The following LRRC7 variants were observed in gnomAD, a reference collection of about 807,000 sequenced individuals.
The protein encoded by LRRC7 is leucine-rich repeat-containing protein 7.
In LRRC7, 23 loss-of-function variants were observed where a neutral mutation model predicts 175.7. That is an observed-to-expected ratio of 0.13 (90% confidence interval 0.09 to 0.19). The LOEUF (loss-of-function observed/expected upper bound fraction) is 0.19, where lower values mean the gene tolerates loss of function less well. Ranked by LOEUF, LRRC7 falls within the 10% of genes least tolerant of loss-of-function variation. The pLI is 1.00. For missense variants in LRRC7, 1,354 were observed against 1,904.7 expected (o/e 0.71, Z 5.38); for synonymous variants, 685 against 680.9 (o/e 1.01, Z -0.09).
At chr1:69,913,975 C>A (rs1646610463) in intron 7 of LRRC7, among the ~76,000 whole-genome samples, 4 of 152,086 alleles carry the variant, frequency 2.6e-5, no homozygotes, top group Non-Finnish European at 5.9e-5. Flanking sequence ...ATTGACAGGT[C>A]TAAATCATAA....
intron 2 of LRRC7, among the ~76,000 whole-genome samples, chr1:69,694,101 C>G (rs574600654): frequency 6.6e-6 from 1 of 152,202 alleles, no homozygotes; most frequent in South Asian, 2.1e-4. Context: ...CAAACCCAAG[C>G]CTGGACTTGA....
chr1:69,745,631 T>G (rs1557675319), intron 2 of LRRC7, among the ~76,000 whole-genome samples: 1 of 151,886 alleles, frequency 6.6e-6, no homozygotes, highest in Non-Finnish European at 1.5e-5. Flanking sequence ...AAGGAATATT[T>G]AATGATATGA....
intron 9 of LRRC7, among the ~76,000 whole-genome samples, chr1:69,981,153 C>A (rs182872415): frequency 1.3e-5 from 2 of 152,116 alleles, no homozygotes; most frequent in African/African-American, 4.8e-5. Context: ...AGCGAGAGAG[C>A]GCAAACACAA....
At chr1:69,783,693 A>G (rs1674054480) in intron 3 of LRRC7, among the ~76,000 whole-genome samples, 2 of 143,708 alleles carry the variant, frequency 1.4e-5, no homozygotes, top group African/African-American at 2.5e-5. Context: ...AGGAGGTTGC[A>G]GTGAGCCGAG....
At chr1:70,049,198 A>C (rs1277873567) in intron 22 of LRRC7, among the ~76,000 whole-genome samples, 6 of 152,142 alleles carry the variant, frequency 3.9e-5, no homozygotes, top group Non-Finnish European at 8.8e-5. Context: ...TGGCCTCACT[A>C]TCTGTTTTAC....
chr1:69,771,597 A>G (rs1210721311), intron 3 of LRRC7, among the ~76,000 whole-genome samples: 1 of 152,188 alleles, frequency 6.6e-6, no homozygotes, highest in Non-Finnish European at 1.5e-5. Context: ...AAATGATACA[A>G]AAAACTCAAG....
chr1:70,082,606 T>G (rs1571272902), intron 24 of LRRC7, among the ~76,000 whole-genome samples: 1 of 151,998 alleles, frequency 6.6e-6, no homozygotes, highest in South Asian at 2.1e-4. Flanking sequence ...TCTTGTTGGT[T>G]TCCTTAAGTC....
chr1:69,999,906 A>T (rs924525273), intron 11 of LRRC7, among the ~76,000 whole-genome samples: 4 of 152,116 alleles, frequency 2.6e-5, no homozygotes, highest in Non-Finnish European at 4.4e-5. Context: ...TTCCTGTTCC[A>T]CTTCCAGACT....
rs557311750 is a variant in LRRC7, at chr1:69,681,591, A to G, written c.100+3113A>G. Among the ~76,000 whole-genome samples the G allele has an allele frequency of 2.6e-5, 4 of 152,278 alleles. No individual in the cohort carries two copies. The South Asian group carries it at 8.3e-4, about 32-fold the overall frequency. On this transcript the variant is annotated intron_variant, in intron 2 of 26. Coordinates refer to ENST00000651989, the MANE Select transcript of LRRC7 (RefSeq NM_001370785.2). ...TTTCAATAAAAATGGATTATTGTGG[A>G]AGACAGATTTTTAAACATGTTTAAG...
At chr1:69,642,452 A>G (rs80278980) in intron 1 of LRRC7, among the ~76,000 whole-genome samples, 9,601 of 152,152 alleles carry the variant, frequency 0.063, 361 homozygotes, top group Middle Eastern at 0.11. Flanking sequence ...ATTACCTTCA[A>G]GCAAAAGTAA....
chr1:69,729,286 C>T (rs1570540275), intron 2 of LRRC7, among the ~76,000 whole-genome samples: 1 of 152,138 alleles, frequency 6.6e-6, no homozygotes, highest in Non-Finnish European at 1.5e-5. Flanking sequence ...GTCTTTCCAG[C>T]AGTCCCCCAA....
chr1:70,028,085 A>T, intron 17 of LRRC7, 86 bp from the exon 18 acceptor site: 3 of 1,139,204 alleles, frequency 2.6e-6, no homozygotes, highest in Non-Finnish European at 3.9e-6. Context: ...GCATTTGATT[A>T]TACTACTGAA....
At chr1:69,912,997 T>C (rs1325154823) in intron 7 of LRRC7, among the ~76,000 whole-genome samples, 1 of 152,160 alleles carries the variant, frequency 6.6e-6, no homozygotes, top group Non-Finnish European at 1.5e-5. Flanking sequence ...GAGATAATCA[T>C]AGGAAAGAAA....
chr1:69,601,699 T>C (rs926974188), intron 1 of LRRC7, among the ~76,000 whole-genome samples: 2 of 152,158 alleles, frequency 1.3e-5, no homozygotes, highest in Non-Finnish European at 2.9e-5. Context: ...TATATAAAAC[T>C]TTTTCCAGGT....
chr1:69,996,516 G>T (rs1414061473), intron 11 of LRRC7, among the ~76,000 whole-genome samples: 2 of 151,112 alleles, frequency 1.3e-5, no homozygotes, highest in Non-Finnish European at 3.0e-5. Flanking sequence ...TTCTTCTAGG[G>T]TTTTTATGGT....
At chr1:70,056,554 T>C (rs1002805079) in intron 23 of LRRC7, among the ~76,000 whole-genome samples, 1 of 152,150 alleles carries the variant, frequency 6.6e-6, no homozygotes, top group African/African-American at 2.4e-5. Context: ...ATTATAAGAT[T>C]ACTACCAATG....
At chr1:70,026,741 T>C (rs889741536) in intron 17 of LRRC7, among the ~76,000 whole-genome samples, 1 of 152,114 alleles carries the variant, frequency 6.6e-6, no homozygotes, top group Non-Finnish European at 1.5e-5. Context: ...ATTATCTGGT[T>C]TTTCATTTGT....
chr1:69,874,227 G>A (rs1423861453), intron 7 of LRRC7: 2 of 152,034 alleles, frequency 1.3e-5, no homozygotes, highest in South Asian at 4.1e-4. Context: ...ATGGCTTATA[G>A]CATTTCAATT....
intron 1 of LRRC7, among the ~76,000 whole-genome samples, chr1:69,582,228 G>A (rs1448029124): frequency 2.0e-5 from 3 of 152,180 alleles, no homozygotes; most frequent in East Asian, 1.9e-4. Flanking sequence ...ATGATTAGTA[G>A]CTTAACTAAG....
Sources: allele counts gnomAD v4.1 joint callset (sites outside exome capture counted in the v4.1 genomes callset), GRCh38; gene constraint gnomAD v4.1.1; transcripts MANE v1.5; gene names NCBI Gene and HGNC (gene_info 2026-07-23, HGNC 2026-07-21).